RELB: variants seen among roughly 807,000 people sequenced by gnomAD.
The protein encoded by RELB is transcription factor RelB.
In RELB, 14 loss-of-function variants were observed where a neutral mutation model predicts 55.4. The observed-to-expected ratio is 0.25, with a 90% CI of 0.17 to 0.40. The LOEUF (loss-of-function observed/expected upper bound fraction) is 0.40. Ranked by LOEUF, RELB falls within the 10% of genes least tolerant of loss-of-function variation. The pLI, the probability that RELB is intolerant of heterozygous loss-of-function variation, is 1.00. For missense variants in RELB, 669 were observed against 830.7 expected, an observed-to-expected ratio of 0.81 and a Z score of 2.39; for synonymous variants, 409 against 371.3, an observed-to-expected ratio of 1.10 and a Z score of -1.17.
chr19:45,034,345 C>G (rs1040797565), intron 10 of RELB, 33 bp downstream of exon 10: 1 of 1,610,118 alleles, frequency 6.2e-7, no homozygotes, highest in African/African-American at 1.3e-5. Flanking sequence ...CACCCCCATC[C>G]CCAGGTTCTG....
At chr19:45,021,182 A>G (rs1971481938) in intron 4 of RELB, among the ~76,000 whole-genome samples, 1 of 151,780 alleles carries the variant, frequency 6.6e-6, no homozygotes, top group Non-Finnish European at 1.5e-5. Context: ...TCACAAAAAA[A>G]TTTAAAAAAG....
intron 3 of RELB, among the ~76,000 whole-genome samples, 183 bp from the exon 4 acceptor site, chr19:45,011,753 A>ACT (rs1299784492): frequency 2.9e-4 from 13 of 44,096 alleles, no homozygotes; most frequent in East Asian, 6.8e-4. Flanking sequence ...GGCCTCCCTG[A>ACT]CTCTGTGTGT....
intron 2 of RELB, among the ~76,000 whole-genome samples, chr19:45,007,584 G>A (rs1208868206): frequency 4.6e-5 from 7 of 152,102 alleles, no homozygotes; most frequent in Non-Finnish European, 8.8e-5. Flanking sequence ...ATGGCCAGGC[G>A]TGGTGGCTCA....
intron 2 of RELB, among the ~76,000 whole-genome samples, chr19:45,007,729 G>A (rs572377822): frequency 1.3e-4 from 20 of 152,046 alleles, no homozygotes; most frequent in African/African-American, 3.9e-4. Flanking sequence ...ATGGTGGTAC[G>A]AGACTGTAAT....
chr19:45,023,393 T>TTCCCTTCCTTCCTTCC (rs773540492), intron 5 of RELB, among the ~76,000 whole-genome samples: 1 of 144,578 alleles, frequency 6.9e-6, no homozygotes, highest in African/African-American at 2.6e-5. Context: ...TGCAGTTTTC[T>TTCCCTTCCTTCCTTCC]TTCCTTCCTT....
In RELB at chr19:45,011,990, C is replaced by T. The variant is rs776690501; in HGVS notation, c.218C>T (p.Pro73Leu). 1.0e-5 allele frequency: 16 copies of T among 1,573,062 alleles called. No homozygotes were observed. The highest frequency in any genetic ancestry group is 9.3e-5 in the Admixed American group (5 of 53,624). The change falls in exon 4 of 12, where the codon CCG (proline) becomes CTG (leucine). Residue 73 changes from proline (P) to leucine (L), a missense_variant. By Grantham distance (98) the Pro-to-Leu change is moderately conservative. Coordinates refer to ENST00000221452, the MANE Select transcript of RELB (RefSeq NM_006509.4). ...GGCTTCGGCCTGGACGGGGGACAGC[C>T]GGGCCCGGGCGAGGGGCTGCCACGC... The part of the protein sequence containing the change: ...ENGFGLDGGQ[P>L]GPGEGLPRLV...
chr19:45,020,443 G>C (rs981097680), intron 4 of RELB, among the ~76,000 whole-genome samples: 2 of 151,376 alleles, frequency 1.3e-5, no homozygotes, highest in Non-Finnish European at 2.9e-5. Flanking sequence ...TGAACTCCTG[G>C]TCTCAAGCAG....
chr19:45,001,886 G>A (rs1013096057), intron 1 of RELB, among the ~76,000 whole-genome samples: 7 of 152,174 alleles, frequency 4.6e-5, no homozygotes, highest in Non-Finnish European at 1.0e-4. Context: ...GTTCGAGCGA[G>A]GCGTCCCGCT....
At chr19:45,022,027 C>T in intron 4 of RELB, 26 bp from the exon 5 acceptor site, 2 of 1,590,108 alleles carry the variant, frequency 1.3e-6, no homozygotes, top group Non-Finnish European at 1.7e-6. Context: ...TGATGGGACC[C>T]CCAAAGAGGA....
chr19:45,021,565 A>G (rs1317817455), intron 4 of RELB, among the ~76,000 whole-genome samples: 1 of 143,996 alleles, frequency 6.9e-6, no homozygotes, highest in African/African-American at 2.5e-5. Context: ...TTAGGATATC[A>G]AAGTGGCCTT....
rs776122420 is a variant in RELB, at chr19:45,012,293, GC to G, written c.504+21del. The G allele has an allele frequency of 1.2e-5, 17 of 1,375,732 alleles. No homozygotes were observed. The highest frequency in any genetic ancestry group is 3.4e-5 in the Admixed American group (1 of 29,166). The allele number at this position is 1,375,732 out of a possible 1,614,324, so 85.2% of individuals were successfully genotyped here. A position where few individuals can be genotyped will look rare whatever the true frequency, so the allele number is the denominator to read the frequency against. ...GCCATCGAGGTGGGCCCGGCGAGCG[GC>G]CCCGGGCGGGTGGGACTGGGGCTTC... On this transcript the variant is annotated intron_variant, in intron 4 of 11. Coordinates refer to ENST00000221452, the MANE Select transcript of RELB (RefSeq NM_006509.4).
At chr19:45,003,915 G>GGTTTTTT (rs1405162566) in intron 2 of RELB, among the ~76,000 whole-genome samples, 1 of 63,574 alleles carries the variant, frequency 1.6e-5, no homozygotes. Flanking sequence ...TGTTTTTTGT[G>GGTTTTTT]TTTTTTTTTT....
chr19:45,035,786 A>C (rs1971679065), intron 11 of RELB, among the ~76,000 whole-genome samples: 1 of 152,206 alleles, frequency 6.6e-6, no homozygotes, highest in Non-Finnish European at 1.5e-5. Flanking sequence ...AGATGGTGCC[A>C]CTGTGTTCCA....
intron 2 of RELB, among the ~76,000 whole-genome samples, chr19:45,003,914 T>TGTG (rs1971247721): frequency 1.1e-5 from 1 of 89,066 alleles, no homozygotes; most frequent in Non-Finnish European, 2.1e-5. Flanking sequence ...CTGTTTTTTG[T>TGTG]GTTTTTTTTT....
chr19:45,015,540 GC>G (rs1002317811), intron 4 of RELB, among the ~76,000 whole-genome samples: 21 of 152,038 alleles, frequency 1.4e-4, no homozygotes, highest in Non-Finnish European at 2.8e-4. Context: ...TTCAAGACCA[GC>G]CCAGGTGACA....
intron 2 of RELB, among the ~76,000 whole-genome samples, chr19:45,008,991 G>A (rs1478351860): frequency 6.6e-6 from 1 of 152,184 alleles, no homozygotes; most frequent in Non-Finnish European, 1.5e-5. Context: ...GGTGAATCTG[G>A]GATTTTGGGT....
chr19:45,022,830 T>C (rs1288571000), intron 5 of RELB, among the ~76,000 whole-genome samples: 1 of 152,192 alleles, frequency 6.6e-6, no homozygotes, highest in East Asian at 1.9e-4. Flanking sequence ...ATTACAGGCA[T>C]GAGCCACCGT....
rs984929086 is a variant in RELB at position 45,024,121 on chromosome 19, G to A, written c.663-1208G>A. Among the ~76,000 whole-genome samples the A allele has an allele frequency of 4.0e-5, 6 of 151,808 alleles. No homozygotes were observed. In the South Asian group the frequency reaches 8.3e-4, roughly 21 times the overall value. On this transcript the variant is annotated intron_variant, in intron 5 of 11. Coordinates refer to ENST00000221452, the MANE Select transcript of RELB (RefSeq NM_006509.4). ...CTCCCAAAGTGCTGGGATTACAGGC[G>A]TGAGCCACCGCACCTGGCCCTGAAG... is the stretch of plus-strand genomic sequence containing the variant.
intron 3 of RELB, among the ~76,000 whole-genome samples, chr19:45,011,599 G>C (rs1971352067): frequency 6.6e-6 from 1 of 151,998 alleles, no homozygotes. Flanking sequence ...TGGGATTACA[G>C]ACGTGGGAGA....
Sources: gnomAD v4.1 joint callset for allele counts (sites outside exome capture counted in the v4.1 genomes callset) on GRCh38, gnomAD v4.1.1 for gene constraint, MANE v1.5 for transcripts, NCBI Gene and HGNC (gene_info 2026-07-23, HGNC 2026-07-21) for gene names.